The following PLXNA4 variants were observed in gnomAD, a reference collection of about 807,000 sequenced individuals.
PLXNA4 encodes plexin A4, also known as plexin-A4.
A neutral mutation model predicts 191.8 loss-of-function variants in PLXNA4; 44 were observed. The ratio of observed to expected loss-of-function variants is 0.23; its 90% CI spans 0.18 to 0.29. PLXNA4 has a LOEUF of 0.29. Ranked by LOEUF, PLXNA4 falls within the 10% of genes least tolerant of loss-of-function variation. PLXNA4 has a pLI of 1.00. For synonymous variants in PLXNA4, 1,082 were observed against 1,009.5 expected (o/e 1.07, Z -1.36); for missense variants, 1,800 against 2,488.8 (o/e 0.72, Z 5.89).
intron 3 of PLXNA4, among the ~76,000 whole-genome samples, chr7:132,452,064 G>A (rs1327849980): frequency 6.6e-6 from 1 of 152,244 alleles, no homozygotes; most frequent in East Asian, 1.9e-4. Flanking sequence ...GGACACACAA[G>A]AGTTTCTTGC....
At chr7:132,352,217 G>C (rs1023196518) in intron 3 of PLXNA4, 4 of 152,338 alleles carry the variant, frequency 2.6e-5, no homozygotes, top group Non-Finnish European at 5.9e-5. Flanking sequence ...CCAAAACACA[G>C]CTTTTTTCCT....
chr7:132,381,972 T>A (rs1206765541), intron 3 of PLXNA4, among the ~76,000 whole-genome samples: 2 of 152,134 alleles, frequency 1.3e-5, no homozygotes, highest in African/African-American at 4.8e-5. Context: ...TTCCAGTTTC[T>A]CTCAATCAAT....
intron 2 of PLXNA4, among the ~76,000 whole-genome samples, chr7:132,635,170 T>TTATATATATATATATA (rs3037811): frequency 2.7e-4 from 36 of 131,800 alleles, no homozygotes; most frequent in South Asian, 2.2e-3. Flanking sequence ...AAACTCCCCT[T>TTATATATATATATATA]TATATATATA....
chr7:132,410,233 C>G lies in PLXNA4; in HGVS notation c.1371+79059G>C, dbSNP rs78361913. ...CAGCCCATGCTATTCTCAGCATTCA[C>G]AGTTCCTCTTTACAGACAGGACTGA... On this transcript the variant is annotated intron_variant, in intron 3 of 31. Coordinates refer to ENST00000321063, the MANE Select transcript of PLXNA4 (RefSeq NM_020911.2). Among the ~76,000 whole-genome samples, 2,727 of 151,204 alleles carry G rather than the reference C, an allele frequency of 0.018. 206 individuals are homozygous for G. In the East Asian group the frequency reaches 0.27, roughly 15 times the overall value.
At chr7:132,294,587 G>C (rs1309640246) in intron 4 of PLXNA4, among the ~76,000 whole-genome samples, 2 of 152,174 alleles carry the variant, frequency 1.3e-5, no homozygotes. Context: ...AAATATTCAG[G>C]CAAGAGACCA....
At chr7:132,643,727 T>C (rs903363802) in intron 2 of PLXNA4, among the ~76,000 whole-genome samples, 3 of 152,014 alleles carry the variant, frequency 2.0e-5, no homozygotes, top group Non-Finnish European at 4.4e-5. Context: ...AAGGTGAAGA[T>C]TGTTTGAGGA....
chr7:132,589,253 C>A (rs950779669), intron 2 of PLXNA4, among the ~76,000 whole-genome samples: 1 of 152,126 alleles, frequency 6.6e-6, no homozygotes, highest in Non-Finnish European at 1.5e-5. Context: ...TAAGTATTCT[C>A]CCAGTAGTGT....
chr7:132,413,168 G>T (rs978478279), intron 3 of PLXNA4, among the ~76,000 whole-genome samples: 3 of 152,108 alleles, frequency 2.0e-5, no homozygotes, highest in African/African-American at 7.2e-5. Context: ...ACTGAGGCCT[G>T]GGCAAGTCCA....
intron 4 of PLXNA4, among the ~76,000 whole-genome samples, chr7:132,270,054 T>C (rs983851488): frequency 1.1e-4 from 16 of 152,192 alleles, no homozygotes; most frequent in Non-Finnish European, 4.4e-5. Context: ...AAACTCATCG[T>C]CCTAAATGCT....
intron 1 of PLXNA4, among the ~76,000 whole-genome samples, chr7:132,564,579 C>T (rs932621050): frequency 2.0e-5 from 3 of 152,126 alleles, no homozygotes; most frequent in Non-Finnish European, 4.4e-5. Context: ...CTGTGAACTC[C>T]CTGCTGACAG....
chr7:132,442,353 G>T (rs1795728086), intron 3 of PLXNA4, among the ~76,000 whole-genome samples: 1 of 152,118 alleles, frequency 6.6e-6, no homozygotes. Context: ...ATGCCAGCAA[G>T]CACTGAAACA....
chr7:132,510,734 A>G (rs1798680672), intron 1 of PLXNA4, among the ~76,000 whole-genome samples: 1 of 152,218 alleles, frequency 6.6e-6, no homozygotes. Flanking sequence ...GTGAACTTCA[A>G]GAAGACAGTC....
intron 2 of PLXNA4, among the ~76,000 whole-genome samples, chr7:132,624,417 C>T (rs180867884): frequency 6.6e-6 from 1 of 152,286 alleles, no homozygotes; most frequent in Non-Finnish European, 1.5e-5. Flanking sequence ...GAAAGGTGAT[C>T]CTTTCTCATG....
In PLXNA4 at chr7:132,298,146, C is replaced by T. The variant is rs762255363; in HGVS notation, c.1448G>A (p.Arg483Gln). 2.5e-5 allele frequency: 40 copies of T among 1,614,054 alleles called. No homozygotes were observed. Among genetic ancestry groups the T allele is most frequent in the African/African-American group, 9.3e-5 (7 of 74,934 alleles). ...VQVVDPGPVL[R>Q]DMAFSKDHEQ... is the part of the protein sequence containing the mutation. ...GTGGTCCTTGGAGAAGGCCATATCC[C>T]GGAGGACTGGGCCGGGGTCCACCAC... The change falls in exon 4 of 32, where the codon CGG becomes CAG. Residue 483 changes from arginine (R) to glutamine (Q), a missense_variant. This residue lies in a region of PLXNA4 where 1,397 missense variants were observed against 1,880.4 expected (regional missense o/e 0.74). Transcript: ENST00000321063.
rs5027073 is a variant in PLXNA4 at position 132,189,040 on chromosome 7, G to A, written c.2857-1433C>T. 3.8e-3 allele frequency among the ~76,000 whole-genome samples: 290 copies of A among 76,248 alleles called. 7 individuals are homozygous for A. The highest frequency in any genetic ancestry group is 0.021 in the East Asian group (57 of 2,656). The allele number at this position is 76,248 out of a possible 152,430, so 50.0% of individuals were successfully genotyped here. A position where few individuals can be genotyped will look rare whatever the true frequency, so the allele number is the denominator to read the frequency against. On this transcript the variant is annotated intron_variant, in intron 14 of 31. Transcript: ENST00000321063. Reference sequence around the variant, plus strand: ...AGAGAGAGAGAGAGAAAGAGAGAGAGAGAGAGAGAGAGAGAGAGAGAGAGA... The same window carrying A: ...AGAGAGAGAGAGAGAAAGAGAGAGAAAGAGAGAGAGAGAGAGAGAGAGAGA...
intron 4 of PLXNA4, among the ~76,000 whole-genome samples, chr7:132,257,699 A>G (rs1427453652): frequency 6.6e-6 from 1 of 152,216 alleles, no homozygotes; most frequent in Admixed American, 6.5e-5. Context: ...CAGGGCTCCC[A>G]GGCTGCTAGA....
intron 3 of PLXNA4, among the ~76,000 whole-genome samples, chr7:132,476,594 C>T (rs1343947851): frequency 6.6e-6 from 1 of 152,082 alleles, no homozygotes; most frequent in African/African-American, 2.4e-5. Flanking sequence ...GCTTTGGGTT[C>T]CTTGTCCTGA....
intron 4 of PLXNA4, among the ~76,000 whole-genome samples, 180 bp from the exon 5 acceptor site, chr7:132,241,346 T>A (rs929416676): frequency 2.6e-5 from 4 of 152,170 alleles, no homozygotes; most frequent in African/African-American, 9.7e-5. Context: ...GGTGGCCACA[T>A]ATGCATCCAG....
rs776186303 is a variant in PLXNA4 at position 132,133,173 on chromosome 7, G to A, written c.5465C>T (p.Pro1822Leu). 7.4e-6 allele frequency: 12 copies of A among 1,613,996 alleles called. No homozygotes were observed. Among genetic ancestry groups the A allele is most frequent in the Non-Finnish European group, 1.0e-5 (12 of 1,180,026 alleles). Residue 1822 changes from proline (P) to leucine (L), a missense_variant, in exon 31 of 32, where the codon CCA becomes CTA. Physicochemically the swap from Pro to Leu is moderately conservative, Grantham distance 98 (BLOSUM62 -3). Coordinates refer to ENST00000321063, the MANE Select transcript of PLXNA4 (RefSeq NM_020911.2). Reference protein sequence around the residue: ...ERYYSDIGKMPAISDQDMNAY... With the variant: ...ERYYSDIGKMLAISDQDMNAY... ...GTTCATGTCTTGGTCGCTGATGGCT[G>A]GCATCTTCCCTATGTCTGAGTAATA...
Sources: allele counts gnomAD v4.1 joint callset (sites outside exome capture counted in the v4.1 genomes callset), GRCh38; gene constraint gnomAD v4.1.1; regional missense constraint gnomAD v4.1.1; transcripts MANE v1.5; gene names NCBI Gene and HGNC (gene_info 2026-07-23, HGNC 2026-07-21).